Variants in CAMK1D observed in about 807,000 individuals in gnomAD.
CAMK1D encodes the protein calcium/calmodulin dependent protein kinase ID.
In CAMK1D, 9 loss-of-function variants were observed where a neutral mutation model predicts 47.7. That is an observed-to-expected ratio of 0.19 (90% CI 0.11 to 0.33). CAMK1D has a LOEUF of 0.33. Among genes scored for constraint, CAMK1D ranks in the 10% least tolerant of loss-of-function variants. CAMK1D has a pLI of 1.00. For missense variants in CAMK1D, 291 were observed against 488.7 expected, an observed-to-expected ratio of 0.60 and a Z score of 3.81; for synonymous variants, 184 against 184.9, an observed-to-expected ratio of 0.99 and a Z score of 0.04.
At chr10:12,803,021 AAG>A (rs1838555632) in intron 6 of CAMK1D, among the ~76,000 whole-genome samples, 1 of 152,242 alleles carries the variant, frequency 6.6e-6, no homozygotes, top group South Asian at 2.1e-4. Flanking sequence ...GAGTTGGACA[AAG>A]AGACTAAAAT....
In CAMK1D at chr10:12,830,964, C is replaced by CACACAA. The variant is rs529970088; in HGVS notation, c.*2078_*2079insCACAAA. ...ACACACACACACACACACACACACA[C>CACACAA]AATGTTATTAGGCACAGCAGCTCCA... is the stretch of plus-strand genomic sequence containing the variant. On this transcript the variant is annotated 3_prime_UTR_variant, in exon 11 of 11. Coordinates refer to ENST00000619168, the MANE Select transcript of CAMK1D (RefSeq NM_153498.4). The CACACAA allele has an allele frequency of 8.9e-3, 797 of 89,840 alleles. 10 individuals carry two copies. Among genetic ancestry groups the CACACAA allele is most frequent in the African/African-American group, 0.015 (380 of 25,412 alleles). The allele number at this position is 89,840 out of a possible 1,614,324, so 5.6% of individuals were successfully genotyped here.
rs146198600 is a variant in CAMK1D, at chr10:12,486,660, A to G, written c.93-66565A>G. 2.9e-3 allele frequency among the ~76,000 whole-genome samples: 446 copies of G among 152,324 alleles called. 2 individuals carry two copies. The highest frequency in any genetic ancestry group is 0.01 in the African/African-American group (436 of 41,568). On this transcript the variant is annotated intron_variant, in intron 1 of 10. Coordinates refer to ENST00000619168, the MANE Select transcript of CAMK1D (RefSeq NM_153498.4). ...AAAATGCCAGCTTCTCTGTTACAAG[A>G]TTTTATAAAAAGGCAGCAATGAAGC...
chr10:12,370,192 G>A (rs1464350644), intron 1 of CAMK1D, among the ~76,000 whole-genome samples: 2 of 152,018 alleles, frequency 1.3e-5, no homozygotes, highest in Non-Finnish European at 1.5e-5. Context: ...CCTCGTTGTC[G>A]CTGTCATGAT....
intron 5 of CAMK1D, among the ~76,000 whole-genome samples, chr10:12,778,874 A>G (rs969562257): frequency 7.1e-6 from 1 of 141,194 alleles, no homozygotes; most frequent in Admixed American, 6.7e-5. Context: ...CCCCATCTCT[A>G]AAAAAATACG....
chr10:12,352,465 C>T (rs777365298), intron 1 of CAMK1D, among the ~76,000 whole-genome samples: 9 of 151,508 alleles, frequency 5.9e-5, no homozygotes, highest in Admixed American at 1.3e-4. Context: ...CAAAATTAGC[C>T]GGGTGTGGTG....
intron 1 of CAMK1D, among the ~76,000 whole-genome samples, chr10:12,438,634 C>T (rs2801493): frequency 0.67 from 102,560 of 152,116 alleles, 37,671 homozygotes; most frequent in Non-Finnish European, 0.83. Flanking sequence ...AAGTTTGCAA[C>T]GACTGCTGAC....
At chr10:12,781,631 A>AGCT (rs1395776341) in intron 5 of CAMK1D, among the ~76,000 whole-genome samples, 1 of 148,294 alleles carries the variant, frequency 6.7e-6, no homozygotes, top group East Asian at 2.0e-4. Context: ...GATCAGGGTA[A>AGCT]GCTGCTCTTT....
intron 2 of CAMK1D, among the ~76,000 whole-genome samples, chr10:12,617,704 G>C (rs1838866416): frequency 6.6e-6 from 1 of 152,044 alleles, no homozygotes; most frequent in Admixed American, 6.6e-5. Flanking sequence ...ATACCTGCCG[G>C]GTTAGTTTTT....
intron 1 of CAMK1D, among the ~76,000 whole-genome samples, chr10:12,391,231 G>T (rs371301180): frequency 2.6e-5 from 4 of 152,258 alleles, no homozygotes; most frequent in South Asian, 4.2e-4. Context: ...AGCTCGTGTG[G>T]GGCCCTGGGA....
intron 2 of CAMK1D, among the ~76,000 whole-genome samples, chr10:12,580,139 G>A (rs1236399798): frequency 6.6e-6 from 1 of 152,148 alleles, no homozygotes; most frequent in Non-Finnish European, 1.5e-5. Context: ...GAATTCCCTG[G>A]TGAGAGGTTT....
At chr10:12,443,667 T>C (rs1380365761) in intron 1 of CAMK1D, among the ~76,000 whole-genome samples, 2 of 152,328 alleles carry the variant, frequency 1.3e-5, no homozygotes, top group Middle Eastern at 3.4e-3. Flanking sequence ...TCTCGTTCTT[T>C]TGCCCAGGCT....
At chr10:12,648,418 G>C (rs988870445) in intron 2 of CAMK1D, among the ~76,000 whole-genome samples, 4 of 152,126 alleles carry the variant, frequency 2.6e-5, no homozygotes, top group African/African-American at 4.8e-5. Flanking sequence ...ATCAGTAATG[G>C]CTACTCCGCT....
intron 1 of CAMK1D, among the ~76,000 whole-genome samples, chr10:12,542,932 G>A (rs1379336509): frequency 6.6e-6 from 1 of 152,132 alleles, no homozygotes; most frequent in African/African-American, 2.4e-5. Flanking sequence ...TTTAGGTAGA[G>A]ATGGGGTTTC....
intron 2 of CAMK1D, among the ~76,000 whole-genome samples, chr10:12,554,585 T>G (rs11257883): frequency 0.14 from 14,166 of 97,776 alleles, 4,211 homozygotes; most frequent in Non-Finnish European, 0.22. Flanking sequence ...TGTTGCCCAG[T>G]CTGGAGTGCA....
At chr10:12,521,742 G>A (rs1053995615) in intron 1 of CAMK1D, among the ~76,000 whole-genome samples, 1 of 152,066 alleles carries the variant, frequency 6.6e-6, no homozygotes, top group Non-Finnish European at 1.5e-5. Flanking sequence ...TTCAGTTATT[G>A]CCTCACATAT....
At chr10:12,688,083 T>C (rs1430647535) in intron 3 of CAMK1D, among the ~76,000 whole-genome samples, 2 of 152,340 alleles carry the variant, frequency 1.3e-5, no homozygotes, top group African/African-American at 4.8e-5. Context: ...GAATGAAATA[T>C]CCATTTAATG....
At chr10:12,382,311 C>T (rs1432938137) in intron 1 of CAMK1D, among the ~76,000 whole-genome samples, 2 of 151,994 alleles carry the variant, frequency 1.3e-5, no homozygotes, top group African/African-American at 4.8e-5. Flanking sequence ...TTATCTGTGT[C>T]ATATCTTGTA....
intron 3 of CAMK1D, among the ~76,000 whole-genome samples, chr10:12,676,678 G>T (rs74898944): frequency 6.6e-6 from 1 of 152,148 alleles, no homozygotes; most frequent in Admixed American, 6.5e-5. Flanking sequence ...GCAACCCAGT[G>T]TATGCCCTTG....
At chr10:12,528,736 C>T (rs199650467) in intron 1 of CAMK1D, among the ~76,000 whole-genome samples, 6 of 137,898 alleles carry the variant, frequency 4.4e-5, no homozygotes, top group Non-Finnish European at 6.2e-5. Flanking sequence ...AAATCCTCAT[C>T]TTTTTTTTTT....
Sources: allele counts gnomAD v4.1 joint callset (sites outside exome capture counted in the v4.1 genomes callset), GRCh38; gene constraint gnomAD v4.1.1; transcripts MANE v1.5; gene names NCBI Gene and HGNC (gene_info 2026-07-23, HGNC 2026-07-21).